The following CDYL2 variants were observed in gnomAD, a reference collection of about 807,000 sequenced individuals.
CDYL2 encodes the protein chromodomain Y-like protein 2.
CDYL2 carries 23 observed loss-of-function variants against 49.4 expected under a neutral mutation model. The ratio of observed to expected loss-of-function variants is 0.47; its 90% CI spans 0.34 to 0.66. The LOEUF (loss-of-function observed/expected upper bound fraction) is 0.66, where lower values mean the gene tolerates loss of function less well. CDYL2 is among the 30% of genes least tolerant of loss of function. The pLI is 0.01. For synonymous variants in CDYL2, 360 were observed against 268.8 expected (o/e 1.34, Z -3.32); for missense variants, 678 against 656.4 (o/e 1.03, Z -0.36).
chr16:80,763,636 A>C (rs575634480), intron 1 of CDYL2, among the ~76,000 whole-genome samples: 32 of 152,226 alleles, frequency 2.1e-4, no homozygotes, highest in African/African-American at 3.6e-4. Context: ...ACAAAAAAAA[A>C]CACTTCTCAT....
At chr16:80,682,864 T>A (rs1043429550) in intron 2 of CDYL2, among the ~76,000 whole-genome samples, 2 of 152,198 alleles carry the variant, frequency 1.3e-5, no homozygotes, top group Admixed American at 6.5e-5. Flanking sequence ...AGCTTTTACA[T>A]ATGTTCACAG....
intron 1 of CDYL2, among the ~76,000 whole-genome samples, chr16:80,690,036 A>C (rs1023725441): frequency 5.3e-5 from 8 of 151,868 alleles, no homozygotes; most frequent in Non-Finnish European, 7.4e-5. Flanking sequence ...CAGGAGAATC[A>C]CTTGAACCCA....
intron 1 of CDYL2, among the ~76,000 whole-genome samples, chr16:80,761,109 C>A (rs1165447309): frequency 6.6e-6 from 1 of 152,180 alleles, no homozygotes; most frequent in Non-Finnish European, 1.5e-5. Context: ...CCAGCATCAC[C>A]TGGCTGGGGG....
intron 1 of CDYL2, among the ~76,000 whole-genome samples, chr16:80,686,300 C>T (rs1009848880): frequency 1.2e-4 from 19 of 152,156 alleles, no homozygotes; most frequent in African/African-American, 4.6e-4. Context: ...ATTTAGTATT[C>T]TTTCAACTTT....
chr16:80,639,314 A>G (rs960499582), intron 2 of CDYL2, among the ~76,000 whole-genome samples: 3 of 152,228 alleles, frequency 2.0e-5, no homozygotes, highest in Non-Finnish European at 2.9e-5. Flanking sequence ...AAGCTAAACT[A>G]GTCTTACCAC....
chr16:80,675,258 G>A (rs1001055678), intron 2 of CDYL2, among the ~76,000 whole-genome samples: 9 of 152,050 alleles, frequency 5.9e-5, no homozygotes, highest in South Asian at 2.1e-4. Flanking sequence ...CCCCAGACCC[G>A]GCACCACACC....
chr16:80,794,557 A>T (rs1318535568), intron 1 of CDYL2, among the ~76,000 whole-genome samples: 1 of 150,416 alleles, frequency 6.6e-6, no homozygotes, highest in Non-Finnish European at 1.5e-5. Context: ...ATATTAAACC[A>T]TATACGATTG....
chr16:80,795,515 G>T (rs150413918), intron 1 of CDYL2, among the ~76,000 whole-genome samples: 2 of 152,108 alleles, frequency 1.3e-5, no homozygotes, highest in Non-Finnish European at 2.9e-5. Flanking sequence ...GCTTCTACTC[G>T]CTGGCTAAGG....
chr16:80,763,429 C>A (rs1597121546), intron 1 of CDYL2, among the ~76,000 whole-genome samples: 1 of 108,636 alleles, frequency 9.2e-6, no homozygotes, highest in Non-Finnish European at 2.0e-5. Context: ...CATGGTGAAA[C>A]CCTGTCTCTA....
intron 2 of CDYL2, among the ~76,000 whole-genome samples, chr16:80,680,625 C>G (rs766023740): frequency 2.6e-5 from 4 of 152,128 alleles, no homozygotes; most frequent in Non-Finnish European, 4.4e-5. Context: ...GAGAGAGATG[C>G]CTAGTAGAAA....
intron 3 of CDYL2, among the ~76,000 whole-genome samples, chr16:80,632,125 T>C (rs1316701823): frequency 6.6e-6 from 1 of 152,166 alleles, no homozygotes; most frequent in Non-Finnish European, 1.5e-5. Flanking sequence ...ATAACATTTG[T>C]AGAAATATTA....
chr16:80,623,087 G>T (rs1481713981), intron 3 of CDYL2, among the ~76,000 whole-genome samples: 1 of 152,176 alleles, frequency 6.6e-6, no homozygotes, highest in African/African-American at 2.4e-5. Context: ...TACAAGCTCT[G>T]TCTGCCCCAA....
chr16:80,622,588 C>G (rs1293193334), intron 3 of CDYL2, among the ~76,000 whole-genome samples: 2 of 152,192 alleles, frequency 1.3e-5, no homozygotes, highest in African/African-American at 4.8e-5. Flanking sequence ...GAGCCTAGCA[C>G]AGTGCCTGGG....
intron 2 of CDYL2, among the ~76,000 whole-genome samples, chr16:80,643,665 T>C (rs1196707792): frequency 2.6e-5 from 4 of 152,240 alleles, no homozygotes; most frequent in Non-Finnish European, 5.9e-5. Context: ...CAACACCACA[T>C]GGAAGATGCC....
At chr16:80,613,769 G>A (rs866415677) in intron 4 of CDYL2, among the ~76,000 whole-genome samples, 3 of 152,190 alleles carry the variant, frequency 2.0e-5, no homozygotes, top group Admixed American at 6.5e-5. Flanking sequence ...AAAGACACAA[G>A]ATGTCTAGTA....
chr16:80,779,255 G>T (rs1323343455), intron 1 of CDYL2, among the ~76,000 whole-genome samples: 1 of 151,976 alleles, frequency 6.6e-6, no homozygotes, highest in African/African-American at 2.4e-5. Context: ...AAGTATTTTT[G>T]TTAATGTATG....
At chr16:80,664,421 T>C (rs2142440323) in intron 2 of CDYL2, among the ~76,000 whole-genome samples, 1 of 152,260 alleles carries the variant, frequency 6.6e-6, no homozygotes, top group Admixed American at 6.5e-5. Flanking sequence ...GGCTCCGGTG[T>C]CCTGGGCCTT....
intron 1 of CDYL2, among the ~76,000 whole-genome samples, chr16:80,755,147 T>G (rs1906266664): frequency 6.6e-6 from 1 of 152,146 alleles, no homozygotes; most frequent in Non-Finnish European, 1.5e-5. Flanking sequence ...TGCACACATA[T>G]ATTTTAAGAT....
At chr16:80,624,405 T>C (rs532506492) in intron 3 of CDYL2, among the ~76,000 whole-genome samples, 2 of 152,310 alleles carry the variant, frequency 1.3e-5, no homozygotes, top group African/African-American at 4.8e-5. Context: ...CACACCCACA[T>C]GGGGAAGAAT....
Sources: gnomAD v4.1 joint callset for allele counts (sites outside exome capture counted in the v4.1 genomes callset) on GRCh38, gnomAD v4.1.1 for gene constraint, MANE v1.5 for transcripts, NCBI Gene and HGNC (gene_info 2026-07-23, HGNC 2026-07-21) for gene names.